Variants in SH3BGRL2 observed in about 807,000 individuals in gnomAD.
SH3BGRL2 encodes the protein SH3 domain binding glutamate rich protein like 2, also known as SH3 domain-binding glutamic acid-rich-like protein 2.
Under a neutral mutation model 14.8 loss-of-function variants are expected in SH3BGRL2, and 21 were observed. The ratio of observed to expected loss-of-function variants is 1.42; its 90% CI spans 1.01 to 2.05. SH3BGRL2 has a LOEUF of 2.05. Among genes scored for constraint, SH3BGRL2 ranks in the 30% most tolerant of loss-of-function variants. The pLI, the probability that SH3BGRL2 is intolerant of heterozygous loss-of-function variation, is 0.00. For synonymous variants in SH3BGRL2, 50 were observed against 47.8 expected (o/e 1.05, Z -0.19); for missense variants, 147 against 130.8 (o/e 1.12, Z -0.61).
rs538792452 is a variant in SH3BGRL2, at chr6:79,681,896, G to A, written c.231+8097G>A. On this transcript the variant is annotated intron_variant, in intron 2 of 3. Coordinates refer to ENST00000369838, the MANE Select transcript of SH3BGRL2 (RefSeq NM_031469.4). ...GATCCCAGGAGGCAGACGTTGCAGT[G>A]AGCAGAGATCGCCCCGCTGCACTCC... Among the ~76,000 whole-genome samples, 8 of 152,034 alleles carry A rather than the reference G, an allele frequency of 5.3e-5. No homozygotes were observed. In the South Asian group the frequency reaches 1.7e-3, roughly 32 times the overall value.
At chr6:79,580,400 C>T in the SH3BGRL2 span, among the ~76,000 whole-genome samples, 1 of 152,166 alleles carries the variant, frequency 6.6e-6, no homozygotes, top group Non-Finnish European at 1.5e-5. Flanking sequence ...AAGTAAAGCA[C>T]TCCTCAGCAA....
chr6:79,592,784 G>A, the SH3BGRL2 span, among the ~76,000 whole-genome samples: 6 of 152,226 alleles, frequency 3.9e-5, no homozygotes, highest in Admixed American at 2.0e-4. Context: ...CTTACCACAC[G>A]TGTATGAGGT....
At chr6:79,658,593 G>C (rs1769472277) in intron 1 of SH3BGRL2, among the ~76,000 whole-genome samples, 1 of 152,084 alleles carries the variant, frequency 6.6e-6, no homozygotes, top group African/African-American at 2.4e-5. Flanking sequence ...AATAGTGCTG[G>C]AATAAACATA....
At chr6:79,556,773 T>C in the SH3BGRL2 span, among the ~76,000 whole-genome samples, 1 of 151,968 alleles carries the variant, frequency 6.6e-6, no homozygotes, top group Non-Finnish European at 1.5e-5. Flanking sequence ...CTATGGTACA[T>C]GGTTTAATTT....
At chr6:79,560,497 T>A in the SH3BGRL2 span, among the ~76,000 whole-genome samples, 1 of 152,088 alleles carries the variant, frequency 6.6e-6, no homozygotes, top group Non-Finnish European at 1.5e-5. Context: ...ATTATGAGCG[T>A]GCCTGTGAAT....
At chr6:79,624,635 A>G in the SH3BGRL2 span, among the ~76,000 whole-genome samples, 1 of 152,010 alleles carries the variant, frequency 6.6e-6, no homozygotes, top group African/African-American at 2.4e-5. Flanking sequence ...AACTGCACAC[A>G]AGGGCTTCAG....
intron 2 of SH3BGRL2, among the ~76,000 whole-genome samples, chr6:79,679,775 C>T (rs1219602227): frequency 6.6e-6 from 1 of 152,034 alleles, no homozygotes; most frequent in African/African-American, 2.4e-5. Context: ...GGTATCTACT[C>T]TAATGAGTGT....
rs191774139 is a variant in SH3BGRL2 at position 79,680,770 on chromosome 6, A to T, written c.231+6971A>T. Among the ~76,000 whole-genome samples the T allele has an allele frequency of 4.6e-5, 7 of 152,220 alleles. No individual in the cohort carries two copies. The East Asian group carries it at 1.4e-3, about 29-fold the overall frequency. On this transcript the variant is annotated intron_variant, in intron 2 of 3. Coordinates refer to ENST00000369838, the MANE Select transcript of SH3BGRL2 (RefSeq NM_031469.4). The stretch of plus-strand genomic sequence containing the variant: ...CAGCATGTTTTGTAGTTTTCAGTGT[A>T]CAAGTCTTTTACCACTTGGTTAGGT...
At chr6:79,681,147 GA>G (rs1163939585) in intron 2 of SH3BGRL2, among the ~76,000 whole-genome samples, 3 of 152,154 alleles carry the variant, frequency 2.0e-5, no homozygotes, top group African/African-American at 7.2e-5. Context: ...AAACTGGGGA[GA>G]AAAACCAAGT....
chr6:79,663,908 G>T (rs898243016), intron 1 of SH3BGRL2, among the ~76,000 whole-genome samples: 4 of 152,140 alleles, frequency 2.6e-5, no homozygotes, highest in Non-Finnish European at 4.4e-5. Context: ...CTGCTGCCTC[G>T]CAGGTTGATG....
At chr6:79,621,106 T>C in the SH3BGRL2 span, among the ~76,000 whole-genome samples, 1 of 152,070 alleles carries the variant, frequency 6.6e-6, no homozygotes, top group Non-Finnish European at 1.5e-5. Context: ...GTGTTGACCT[T>C]GTACCTGGCA....
At chr6:79,653,346 G>A (rs962559179) in intron 1 of SH3BGRL2, among the ~76,000 whole-genome samples, 1 of 152,098 alleles carries the variant, frequency 6.6e-6, no homozygotes, top group African/African-American at 2.4e-5. Context: ...GTCTGTCTCT[G>A]TGGTTTCAGT....
intron 1 of SH3BGRL2, among the ~76,000 whole-genome samples, chr6:79,638,828 A>G (rs1208222992): frequency 1.3e-5 from 2 of 151,810 alleles, no homozygotes; most frequent in African/African-American, 2.4e-5. Flanking sequence ...TTCCTTGTAT[A>G]TTTTCAATAT....
At chr6:79,661,961 T>G (rs1453564405) in intron 1 of SH3BGRL2, among the ~76,000 whole-genome samples, 1 of 152,124 alleles carries the variant, frequency 6.6e-6, no homozygotes, top group Non-Finnish European at 1.5e-5. Context: ...AGCCCCCGCT[T>G]TTTTATTTTT....
chr6:79,693,046 G>A (rs1044106303), intron 2 of SH3BGRL2, among the ~76,000 whole-genome samples: 2 of 151,924 alleles, frequency 1.3e-5, no homozygotes, highest in African/African-American at 2.4e-5. Context: ...GCAGTGGTTT[G>A]TAGTTCTCCT....
chr6:79,588,211 T>G, the SH3BGRL2 span, among the ~76,000 whole-genome samples: 1 of 149,110 alleles, frequency 6.7e-6, no homozygotes, highest in Non-Finnish European at 1.5e-5. Flanking sequence ...GAGAATCACT[T>G]CAACCCAGGA....
At chr6:79,677,475 G>A (rs911096299) in intron 2 of SH3BGRL2, among the ~76,000 whole-genome samples, 5 of 152,118 alleles carry the variant, frequency 3.3e-5, no homozygotes, top group Non-Finnish European at 5.9e-5. Context: ...CCCAGAATTT[G>A]AACATTGAGG....
intron 1 of SH3BGRL2, among the ~76,000 whole-genome samples, chr6:79,664,155 G>A (rs376247702): frequency 2.2e-4 from 34 of 152,262 alleles, no homozygotes; most frequent in South Asian, 6.2e-4. Context: ...GCTTCAGCTC[G>A]CCCTCCGTGG....
chr6:79,568,241 T>A, the SH3BGRL2 span, among the ~76,000 whole-genome samples: 2 of 152,062 alleles, frequency 1.3e-5, no homozygotes, highest in Non-Finnish European at 2.9e-5. Flanking sequence ...ATAGAAACTC[T>A]CACATATGTG....
Sources: allele counts gnomAD v4.1 joint callset (sites outside exome capture counted in the v4.1 genomes callset), GRCh38; gene constraint gnomAD v4.1.1; transcripts MANE v1.5; gene names NCBI Gene and HGNC (gene_info 2026-07-23, HGNC 2026-07-21).